The following CSMD1 variants were observed in gnomAD, a reference collection of about 807,000 sequenced individuals.
CSMD1 encodes the protein CUB and Sushi multiple domains 1, also known as CUB and sushi domain-containing protein 1.
A neutral mutation model predicts 417.5 loss-of-function variants in CSMD1; 213 were observed. The ratio of observed to expected loss-of-function variants is 0.51; its 90% CI spans 0.46 to 0.57. The LOEUF is 0.57. Ranked by LOEUF, CSMD1 falls within the 20% of genes least tolerant of loss-of-function variation. The pLI is 0.00. For synonymous variants in CSMD1, 2,862 were observed against 1,736.8 expected (o/e 1.65, Z -16.11); for missense variants, 6,923 against 4,529.7 (o/e 1.53, Z -15.17).
chr8:3,267,883 A>G (rs1418217049), intron 26 of CSMD1, among the ~76,000 whole-genome samples: 1 of 152,110 alleles, frequency 6.6e-6, no homozygotes, highest in African/African-American at 2.4e-5. Flanking sequence ...ACCTGCATAG[A>G]GTCCTAACTC....
chr8:4,843,248 G>C (rs563995563), intron 1 of CSMD1, among the ~76,000 whole-genome samples: 1 of 152,204 alleles, frequency 6.6e-6, no homozygotes, highest in East Asian at 1.9e-4. Flanking sequence ...AGGGGAATAC[G>C]ATGTCTCCCT....
Position 3,493,708 on chromosome 8 carries a change from C to T in CSMD1, c.1363G>A (p.Glu455Lys), listed in dbSNP as rs1053963858. The change falls in exon 11 of 70, where the codon GAA becomes AAA. Residue 455 changes from glutamate to lysine, a missense_variant. Transcript: ENST00000635120. ...TAGCCTCGCTCCAGCTCAAACTCTT[C>T]AAAGGCAAGCTTGATGACCTAAATA... ...DPDKVIKLAFEEFELERGYDT... is the reference protein window; with the variant it reads ...DPDKVIKLAFKEFELERGYDT... 1 of 1,610,780 alleles carries T rather than the reference C, an allele frequency of 6.2e-7. No homozygotes were observed. Among genetic ancestry groups the T allele is most frequent in the African/African-American group, 1.3e-5 (1 of 74,908 alleles).
At chr8:4,866,946 A>C (rs550752667) in intron 1 of CSMD1, among the ~76,000 whole-genome samples, 2 of 152,118 alleles carry the variant, frequency 1.3e-5, no homozygotes, top group Admixed American at 6.5e-5. Context: ...CTTTTGCACC[A>C]ACCTATATGG....
chr8:3,344,007 C>A (rs997191353), intron 22 of CSMD1, among the ~76,000 whole-genome samples: 1 of 152,096 alleles, frequency 6.6e-6, no homozygotes, highest in Non-Finnish European at 1.5e-5. Flanking sequence ...TCTCATCATG[C>A]AATAGTAATA....
chr8:3,511,230 G>A (rs12548616), intron 10 of CSMD1, among the ~76,000 whole-genome samples: 31 of 151,520 alleles, frequency 2.0e-4, no homozygotes, highest in Middle Eastern at 3.4e-3. Context: ...GGGCCTGTTG[G>A]GGGGTGAGAG....
chr8:4,502,723 A>G (rs990769116), intron 2 of CSMD1, among the ~76,000 whole-genome samples: 6 of 152,174 alleles, frequency 3.9e-5, no homozygotes, highest in African/African-American at 1.4e-4. Flanking sequence ...GTATATTAAC[A>G]GCAGATCTTT....
intron 4 of CSMD1, among the ~76,000 whole-genome samples, chr8:4,013,829 G>T (rs560249282): frequency 2.0e-5 from 3 of 152,042 alleles, no homozygotes; most frequent in African/African-American, 7.3e-5. Flanking sequence ...GTGTCTATGG[G>T]GTCTTTTGAT....
At chr8:4,327,580 CA>C (rs1180379116) in intron 3 of CSMD1, among the ~76,000 whole-genome samples, 1 of 152,062 alleles carries the variant, frequency 6.6e-6, no homozygotes, top group Non-Finnish European at 1.5e-5. Context: ...CACTGTCACT[CA>C]TACTACAAAG....
intron 3 of CSMD1, among the ~76,000 whole-genome samples, chr8:4,187,181 A>C (rs953403562): frequency 1.3e-5 from 2 of 152,280 alleles, no homozygotes; most frequent in Admixed American, 1.3e-4. Context: ...AGTTGCTTTA[A>C]AACAATCTGG....
intron 5 of CSMD1, among the ~76,000 whole-genome samples, chr8:3,921,358 T>TG (rs1222734841): frequency 1.4e-4 from 22 of 152,092 alleles, no homozygotes; most frequent in Non-Finnish European, 3.2e-4. Flanking sequence ...TCAGTATTTT[T>TG]CATTTTTCTT....
At chr8:4,586,686 G>T (rs1271891864) in intron 2 of CSMD1, among the ~76,000 whole-genome samples, 2 of 152,040 alleles carry the variant, frequency 1.3e-5, no homozygotes, top group Non-Finnish European at 2.9e-5. Context: ...ACATGTATAT[G>T]AAATACCGCC....
intron 1 of CSMD1, among the ~76,000 whole-genome samples, chr8:4,747,594 T>A (rs551680474): frequency 6.6e-6 from 1 of 152,214 alleles, no homozygotes; most frequent in Non-Finnish European, 1.5e-5. Flanking sequence ...ATACACTGAA[T>A]GTTGTGCTTC....
chr8:4,194,498 C>A lies in CSMD1; in HGVS notation c.416-162399G>T, dbSNP rs534371455. 2.6e-5 allele frequency among the ~76,000 whole-genome samples: 4 copies of A among 152,130 alleles called. No homozygotes were observed. In the East Asian group the frequency reaches 7.7e-4, roughly 29 times the overall value. ...CACTTTTCTAATAAATAGTGATTAT[C>A]ATGTAAATAATGCCAGGAAGCATCT... On this transcript the variant is annotated intron_variant, in intron 3 of 69. Transcript: ENST00000635120.
At chr8:3,061,380 G>C (rs1035393037) in intron 49 of CSMD1, among the ~76,000 whole-genome samples, 3 of 152,152 alleles carry the variant, frequency 2.0e-5, no homozygotes, top group Non-Finnish European at 4.4e-5. Context: ...TTAAATGAAG[G>C]TCAGCTAAAA....
intron 3 of CSMD1, among the ~76,000 whole-genome samples, chr8:4,210,911 G>A (rs1800268045): frequency 6.6e-6 from 1 of 152,100 alleles, no homozygotes; most frequent in Admixed American, 6.5e-5. Context: ...AGAAATGGTT[G>A]ACTTAATGAA....
intron 11 of CSMD1, among the ~76,000 whole-genome samples, chr8:3,488,759 G>C (rs769208270): frequency 6.6e-4 from 101 of 152,272 alleles, no homozygotes; most frequent in Non-Finnish European, 1.2e-3. Flanking sequence ...GTCAAGAACA[G>C]GGTTCAAACA....
At chr8:4,430,577 T>C (rs1196700161) in intron 2 of CSMD1, among the ~76,000 whole-genome samples, 1 of 152,010 alleles carries the variant, frequency 6.6e-6, no homozygotes, top group African/African-American at 2.4e-5. Flanking sequence ...AGAAAATAAA[T>C]TTTCCCCAAA....
chr8:3,234,415 G>A (rs1222912659), intron 26 of CSMD1, among the ~76,000 whole-genome samples: 1 of 151,972 alleles, frequency 6.6e-6, no homozygotes, highest in African/African-American at 2.4e-5. Flanking sequence ...CATTCTTCTC[G>A]TCATTATCAG....
intron 3 of CSMD1, among the ~76,000 whole-genome samples, chr8:4,339,869 A>T (rs1431758733): frequency 6.6e-6 from 1 of 152,004 alleles, no homozygotes; most frequent in Non-Finnish European, 1.5e-5. Context: ...ACAAAAACTT[A>T]AAAAAATTAT....
Sources: allele counts gnomAD v4.1 joint callset (sites outside exome capture counted in the v4.1 genomes callset), GRCh38; gene constraint gnomAD v4.1.1; transcripts MANE v1.5; gene names NCBI Gene and HGNC (gene_info 2026-07-23, HGNC 2026-07-21).